TRAFD1: variants seen among roughly 807,000 people sequenced by gnomAD.
TRAFD1 encodes the protein TRAF-type zinc finger domain containing 1.
A neutral mutation model predicts 65.3 loss-of-function variants in TRAFD1; 38 were observed. The ratio of observed to expected loss-of-function variants is 0.58; its 90% CI spans 0.45 to 0.76. The LOEUF is 0.76. Ranked by LOEUF, TRAFD1 falls within the 30% of genes least tolerant of loss-of-function variation. The pLI is 0.00. For missense variants in TRAFD1, 631 were observed against 712.6 expected, an observed-to-expected ratio of 0.89 and a Z score of 1.30; for synonymous variants, 223 against 257.2, an observed-to-expected ratio of 0.87 and a Z score of 1.27.
At chr12:112,129,815 G>T (rs1355808806) in intron 1 of TRAFD1, among the ~76,000 whole-genome samples, 2 of 151,418 alleles carry the variant, frequency 1.3e-5, no homozygotes, top group African/African-American at 4.9e-5. Context: ...GCTAATTTTT[G>T]TATTTTTAGT....
At position 112,149,967 on chromosome 12, in the gene TRAFD1, C is replaced by G. The variant is rs918930761; in HGVS notation, c.1279+96C>G. 2.6e-6 allele frequency: 4 copies of G among 1,520,204 alleles called. No individual in the cohort carries two copies. The African/African-American group carries it at 5.5e-5, about 21-fold the overall frequency. 94.2% of individuals were successfully genotyped at this position (1,520,204 alleles called of 1,614,324 possible). A position where few individuals can be genotyped will look rare whatever the true frequency, so the allele number is the denominator to read the frequency against. On this transcript the variant is annotated intron_variant, in intron 9 of 11. Coordinates refer to ENST00000412615, the MANE Select transcript of TRAFD1 (RefSeq NM_006700.3). ...TCCACTGCTCTAATGTGGGGATTAC[C>G]TGCATCTCAAATTTCCAAACACACT...
intron 1 of TRAFD1, among the ~76,000 whole-genome samples, chr12:112,127,454 C>T (rs1407534291): frequency 1.3e-5 from 2 of 152,158 alleles, no homozygotes; most frequent in Non-Finnish European, 2.9e-5. Context: ...CACAGTGGCA[C>T]ACAGTATGGT....
At chr12:112,148,403 C>T in intron 8 of TRAFD1, 99 bp downstream of exon 8, 2 of 1,047,088 alleles carry the variant, frequency 1.9e-6, no homozygotes, top group Non-Finnish European at 1.4e-6. Flanking sequence ...GCATTCCATC[C>T]TGACAAGGAA....
At chr12:112,135,099 G>T (rs776167571) in intron 4 of TRAFD1, 33 bp downstream of exon 4, 1 of 1,613,608 alleles carries the variant, frequency 6.2e-7, no homozygotes, top group Admixed American at 1.7e-5. Context: ...CGTGGGCCCA[G>T]TCCTGCTGAG....
chr12:112,130,423 G>T lies in TRAFD1; in HGVS notation c.-12-88G>T, dbSNP rs778757774. On this transcript the variant is annotated intron_variant, in intron 1 of 11. Coordinates refer to ENST00000412615, the MANE Select transcript of TRAFD1 (RefSeq NM_006700.3). This position sits in a 1 kb window ranked among gnomAD's most constrained non-coding sequence, Gnocchi z 4.4. ...CATGCAGGTTTGGGTGACAGTTTCT[G>T]TATACTAGTTTTTTATTTGTTTTTT... is the stretch of plus-strand genomic sequence containing the variant. 2.0e-6 allele frequency: 2 copies of T among 987,124 alleles called. No homozygotes were observed. Among genetic ancestry groups the T allele is most frequent in the Middle Eastern group, 4.2e-4 (2 of 4,812 alleles). 61.1% of individuals were successfully genotyped at this position (987,124 alleles called of 1,614,324 possible). A position where few individuals can be genotyped will look rare whatever the true frequency, so the allele number is the denominator to read the frequency against.
rs186058887 is a variant in TRAFD1, at chr12:112,152,482, C to T, written c.1675C>T (p.Arg559Cys). 131 of 1,613,898 alleles carry T rather than the reference C, an allele frequency of 8.1e-5. No homozygotes were observed. The highest frequency in any genetic ancestry group is 1.0e-4 in the Non-Finnish European group (122 of 1,180,026). Residue 559 changes from arginine to cysteine, a missense_variant, in exon 11 of 12, where the codon CGC (arginine) becomes TGC (cysteine). Arg to Cys is a radical substitution (Grantham distance 180). Coordinates refer to ENST00000412615, the MANE Select transcript of TRAFD1 (RefSeq NM_006700.3). This position sits in a 1 kb window ranked among gnomAD's most constrained non-coding sequence, Gnocchi z 5.0. Reference sequence around the variant, plus strand: ...GGTCACCCCTGCAGCTGCCAACTACCGCAGCAGAACTGCAAAGGTAAGGTG... The same window carrying T: ...GGTCACCCCTGCAGCTGCCAACTACTGCAGCAGAACTGCAAAGGTAAGGTG... The part of the protein sequence containing the change: ...SRVTPAAANY[R>C]SRTAKAKPSK...
chr12:112,141,300 A>T (rs1237583897), intron 5 of TRAFD1, 76 bp downstream of exon 5: 14 of 1,528,140 alleles, frequency 9.2e-6, no homozygotes, highest in Non-Finnish European at 9.7e-6. Context: ...CTTTGGGGCC[A>T]GATAGATCTT....
At chr12:112,150,759 C>T (rs149725093) in intron 9 of TRAFD1, among the ~76,000 whole-genome samples, 35 of 150,842 alleles carry the variant, frequency 2.3e-4, no homozygotes, top group African/African-American at 6.6e-4. Flanking sequence ...GTTGGGGTTT[C>T]GCCACATTGT....
chr12:112,128,954 G>C (rs111574789), intron 1 of TRAFD1, among the ~76,000 whole-genome samples: 8,210 of 149,608 alleles, frequency 0.055, 294 homozygotes, highest in Middle Eastern at 0.16. Context: ...GGTCGAGGTT[G>C]CAGTGAGCCG....
At chr12:112,134,959 C>A in intron 3 of TRAFD1, 54 bp from the exon 4 acceptor site, 1 of 1,613,910 alleles carries the variant, frequency 6.2e-7, no homozygotes, top group Non-Finnish European at 8.5e-7. Flanking sequence ...TGTGCAATAG[C>A]AAATGAGCAT....
Position 112,130,920 on chromosome 12 carries a change from A to G in TRAFD1, c.47+351A>G, listed in dbSNP as rs2079563989. ...TCCTTCACTGGGTACTTCTTTCACA[A>G]TGTGCTATGTTTACCTTAGCAAACT... is the stretch of plus-strand genomic sequence containing the variant. On this transcript the variant is annotated intron_variant, in intron 2 of 11. Transcript: ENST00000412615. The surrounding 1 kb of genome is among the most constrained non-coding windows in gnomAD (Gnocchi z 4.4). 6.6e-6 allele frequency among the ~76,000 whole-genome samples: 1 copy of G among 152,236 alleles called. No homozygotes were observed. Among genetic ancestry groups the G allele is most frequent in the African/African-American group, 2.4e-5 (1 of 41,462 alleles).
chr12:112,148,408 A>G lies in TRAFD1; in HGVS notation c.1158+104A>G, dbSNP rs1280169480. The G allele has an allele frequency of 3.1e-6, 3 of 982,488 alleles. No homozygotes were observed. In the Admixed American group the frequency reaches 6.8e-5, roughly 22 times the overall value. The allele number at this position is 982,488 out of a possible 1,614,324, so 60.9% of individuals were successfully genotyped here. A position where few individuals can be genotyped will look rare whatever the true frequency, so the allele number is the denominator to read the frequency against. On this transcript the variant is annotated intron_variant, in intron 8 of 11. Coordinates refer to ENST00000412615, the MANE Select transcript of TRAFD1 (RefSeq NM_006700.3). ...CCTTTAAGTTGCATTCCATCCTGAC[A>G]AGGAATGCACACACTTGGCTTCTGG... is the stretch of plus-strand genomic sequence containing the variant.
In TRAFD1 at chr12:112,153,234, G is replaced by A. The variant is rs919588693; in HGVS notation, c.*443G>A. 1.8e-5 allele frequency: 3 copies of A among 164,364 alleles called. No homozygotes were observed. Among genetic ancestry groups the A allele is most frequent in the Non-Finnish European group, 4.0e-5 (3 of 75,386 alleles). The allele number at this position is 164,364 out of a possible 1,614,324, so 10.2% of individuals were successfully genotyped here. ...CCGTGTACTGCGTCTGTCCACACTC[G>A]ATTGGGCCCCAGGTGTGTATGAGGC... On this transcript the variant is annotated 3_prime_UTR_variant, in exon 12 of 12. Coordinates refer to ENST00000412615, the MANE Select transcript of TRAFD1 (RefSeq NM_006700.3).
chr12:112,148,036 C>T (rs1255849131), intron 7 of TRAFD1, 38 bp from the exon 8 acceptor site: 1 of 1,545,950 alleles, frequency 6.5e-7, no homozygotes, highest in Admixed American at 1.8e-5. Context: ...TTCTTAACCT[C>T]TGATTCTTGT....
chr12:112,149,128 G>A (rs993486793), intron 8 of TRAFD1, among the ~76,000 whole-genome samples: 1 of 151,754 alleles, frequency 6.6e-6, no homozygotes, highest in African/African-American at 2.4e-5. Context: ...TGAGGCATGA[G>A]AATCACTTGA....
intron 2 of TRAFD1, chr12:112,133,148 T>C (rs2079574407): frequency 6.6e-6 from 1 of 152,208 alleles, no homozygotes; most frequent in Non-Finnish European, 1.5e-5. Context: ...AGCTTAGATA[T>C]GATCTTTGAA....
chr12:112,134,480 G>A (rs892382304), intron 2 of TRAFD1, among the ~76,000 whole-genome samples: 1 of 150,216 alleles, frequency 6.7e-6, no homozygotes, highest in Admixed American at 6.6e-5. Flanking sequence ...GGTCTCGAAC[G>A]CCTGACCTCA....
At chr12:112,150,560 TATTTA>T (rs1449952389) in intron 9 of TRAFD1, among the ~76,000 whole-genome samples, 2 of 151,850 alleles carry the variant, frequency 1.3e-5, no homozygotes, top group African/African-American at 2.4e-5. Flanking sequence ...CAAACTTATT[TATTTA>T]ATTTATTTTT....
At chr12:112,127,749 T>G (rs1296129606) in intron 1 of TRAFD1, among the ~76,000 whole-genome samples, 1 of 151,910 alleles carries the variant, frequency 6.6e-6, no homozygotes, top group Non-Finnish European at 1.5e-5. Flanking sequence ...CACTGCAAGC[T>G]CTTTTTAGTA....
Sources: gnomAD v4.1 joint callset for allele counts (sites outside exome capture counted in the v4.1 genomes callset) on GRCh38, gnomAD v4.1.1 for gene constraint, Gnocchi (gnomAD v3.1) non-coding constraint, MANE v1.5 for transcripts, NCBI Gene and HGNC (gene_info 2026-07-23, HGNC 2026-07-21) for gene names.